The following CTSE variants were observed in gnomAD, a reference collection of about 807,000 sequenced individuals.
CTSE encodes cathepsin E.
In CTSE, 43 loss-of-function variants were observed where a neutral mutation model predicts 42.8. The observed-to-expected ratio is 1.01, with a 90% CI of 0.79 to 1.30. CTSE has a LOEUF of 1.30. Among genes scored for constraint, CTSE ranks in the 50% most tolerant of loss-of-function variants. CTSE has a pLI of 0.00. For missense variants in CTSE, 532 were observed against 493.5 expected (o/e 1.08, Z -0.74); for synonymous variants, 205 against 191.5 (o/e 1.07, Z -0.58).
intron 4 of CTSE, among the ~76,000 whole-genome samples, chr1:206,019,982 T>A (rs1163182999): frequency 7.6e-5 from 11 of 144,380 alleles, no homozygotes; most frequent in African/African-American, 2.8e-4. Context: ...ATATATTATA[T>A]ATTATATAAC....
intron 8 of CTSE, among the ~76,000 whole-genome samples, chr1:206,011,644 A>ACCCCT (rs1444587810): frequency 6.6e-6 from 1 of 151,932 alleles, no homozygotes; most frequent in Non-Finnish European, 1.5e-5. Flanking sequence ...ATACCTTAGC[A>ACCCCT]CCCCTCTTCT....
At chr1:206,017,210 T>C (rs1206333143) in intron 4 of CTSE, among the ~76,000 whole-genome samples, 1 of 152,044 alleles carries the variant, frequency 6.6e-6, no homozygotes, top group African/African-American at 2.4e-5. Flanking sequence ...ATAAATAGTG[T>C]CATTAAAAAT....
At chr1:206,023,595 C>A in intron 1 of CTSE, 129 bp downstream of exon 1, 1 of 808,090 alleles carries the variant, frequency 1.2e-6, no homozygotes. Flanking sequence ...GAGTCTCTTC[C>A]ATGCATTGAC....
rs1395014158 is a variant in CTSE, at chr1:206,015,782, T to C, written c.662+149A>G. On this transcript the variant is annotated intron_variant, in intron 5 of 8. Coordinates refer to ENST00000358184, the MANE Select transcript of CTSE (RefSeq NM_001910.4). ...GAAGCAAATCCCATTTCCTCAATAT[T>C]CAGAGAGGTTAAATGTTTTGACTAA... is the stretch of plus-strand genomic sequence containing the variant. 12 of 674,050 alleles carry C rather than the reference T, an allele frequency of 1.8e-5. No individual in the cohort carries two copies. In the Admixed American group the frequency reaches 3.5e-4, roughly 20 times the overall value. The allele number at this position is 674,050 out of a possible 1,614,324, so 41.8% of individuals were successfully genotyped here.
intron 4 of CTSE, among the ~76,000 whole-genome samples, chr1:206,018,562 G>C (rs1553277947): frequency 6.6e-6 from 1 of 151,854 alleles, no homozygotes; most frequent in African/African-American, 2.4e-5. Flanking sequence ...TTTCTTTGTG[G>C]AAAGATTTTT....
At chr1:206,010,851 A>G (rs183643123) in intron 8 of CTSE, among the ~76,000 whole-genome samples, 3 of 152,194 alleles carry the variant, frequency 2.0e-5, no homozygotes, top group Admixed American at 6.5e-5. Flanking sequence ...TAGATGAGGC[A>G]AGTAGGCATT....
intron 5 of CTSE, 141 bp from the exon 6 acceptor site, chr1:206,014,035 G>C (rs1661196092): frequency 1.2e-6 from 1 of 851,488 alleles, no homozygotes; most frequent in African/African-American, 1.7e-5. Flanking sequence ...TTGAGACCGG[G>C]ACTCTGACTA....
chr1:206,011,958 G>C (rs1661112100), intron 8 of CTSE, among the ~76,000 whole-genome samples: 1 of 152,098 alleles, frequency 6.6e-6, no homozygotes, highest in Non-Finnish European at 1.5e-5. Context: ...TCTGAGTCTT[G>C]ATATTCTCAC....
chr1:206,023,033 G>A lies in CTSE; in HGVS notation c.93C>T (p.Ser31=). 1 of 1,613,092 alleles carries A rather than the reference G, an allele frequency of 6.2e-7. No homozygotes were observed. The highest frequency in any genetic ancestry group is 8.5e-7 in the Non-Finnish European group (1 of 1,179,428). Residue 31 remains serine (S), a synonymous_variant, in exon 2 of 9, where the codon TCC becomes TCT. Transcript: ENST00000358184. ...TCCGTGCCCGCAGCTTCTTCTTGAG[G>A]GACGGATGCCTCCTGAGGGGCACCC... The part of the protein sequence containing the change: ...LHRVPLRRHP[S]LKKKLRARSQ...
At chr1:206,022,356 G>T (rs1019570939) in intron 2 of CTSE, 89 bp from the exon 3 acceptor site, 16 of 854,160 alleles carry the variant, frequency 1.9e-5, no homozygotes, top group African/African-American at 5.1e-5. Context: ...GCTCCCAGGG[G>T]CCAGAGCCTG....
chr1:206,010,342 G>A lies in CTSE; in HGVS notation c.1032C>T (p.Phe344=), dbSNP rs782007406. 3.1e-6 allele frequency: 5 copies of A among 1,612,670 alleles called. No homozygotes were observed. Among genetic ancestry groups the A allele is most frequent in the East Asian group, 4.5e-5 (2 of 44,896 alleles). Residue 344 remains phenylalanine (F), a synonymous_variant, in exon 9 of 9, where the codon TTC becomes TTT. Coordinates refer to ENST00000358184, the MANE Select transcript of CTSE (RefSeq NM_001910.4). ...TGCTGCAGAACTGCATTCCATCCAC[G>A]AAGTCCTGTGGGTTGGAAAGAAGGA... ...LSPTAYTLLD[F]VDGMQFCSSG...
rs1553278722 is a variant in CTSE at position 206,023,043 on chromosome 1, C to T, written c.83G>A (p.Arg28Lys). Reference sequence around the variant, plus strand: ...CAGCTTCTTCTTGAGGGACGGATGCCTCCTGAGGGGCACCCTGGAGACAAA... The same window carrying T: ...CAGCTTCTTCTTGAGGGACGGATGCTTCCTGAGGGGCACCCTGGAGACAAA... Reference protein sequence around the residue: ...QGSLHRVPLRRHPSLKKKLRA... With the variant: ...QGSLHRVPLRKHPSLKKKLRA... The change falls in exon 2 of 9, where the codon AGG becomes AAG. Residue 28 changes from arginine to lysine, a missense_variant. Coordinates refer to ENST00000358184, the MANE Select transcript of CTSE (RefSeq NM_001910.4). The T allele has an allele frequency of 1.9e-6, 3 of 1,613,008 alleles. No individual in the cohort carries two copies. Among genetic ancestry groups the T allele is most frequent in the African/African-American group, 1.3e-5 (1 of 74,978 alleles).
intron 3 of CTSE, among the ~76,000 whole-genome samples, chr1:206,021,638 C>CTT (rs1445300071): frequency 6.6e-6 from 1 of 151,960 alleles, no homozygotes; most frequent in Admixed American, 6.6e-5. Flanking sequence ...TTCTGTAGCT[C>CTT]TTCTTTTCCA....
rs1553276779 is a variant in CTSE at position 206,010,355 on chromosome 1, T to A, written c.1027-8A>T. 6.2e-7 allele frequency: 1 copy of A among 1,611,238 alleles called. No homozygotes were observed. Among genetic ancestry groups the A allele is most frequent in the Non-Finnish European group, 8.5e-7 (1 of 1,177,858 alleles). ...CATTCCATCCACGAAGTCCTGTGGG[T>A]TGGAAAGAAGGATGCAAATGACAAA... On this transcript the variant is annotated splice_polypyrimidine_tract_variant and splice_region_variant and intron_variant, in intron 8 of 8. Coordinates refer to ENST00000358184, the MANE Select transcript of CTSE (RefSeq NM_001910.4).
Position 206,023,859 on chromosome 1 carries a change from G to A in CTSE, c.-68C>T, listed in dbSNP as rs1198719824. ...TCTCTCCCCGAGGGCAGTGGGAACG[G>A]ACTTTCCCTAACTCTCAGACCTGCC... On this transcript the variant is annotated 5_prime_UTR_variant, in exon 1 of 9. Transcript: ENST00000358184. The A allele has an allele frequency of 6.6e-7, 1 of 1,524,092 alleles. No individual in the cohort carries two copies. The highest frequency in any genetic ancestry group is 9.1e-7 in the Non-Finnish European group (1 of 1,102,368). 94.4% of individuals were successfully genotyped at this position (1,524,092 alleles called of 1,614,324 possible). A position where few individuals can be genotyped will look rare whatever the true frequency, so the allele number is the denominator to read the frequency against.
intron 5 of CTSE, 71 bp from the exon 6 acceptor site, chr1:206,013,965 A>T (rs1241412390): frequency 6.5e-7 from 1 of 1,545,884 alleles, no homozygotes; most frequent in East Asian, 2.3e-5. Flanking sequence ...CTCAGCTAGG[A>T]CCCTTTGCTT....
At position 206,011,326 on chromosome 1, in the gene CTSE, C is replaced by G. The variant is rs538699361; in HGVS notation, c.1027-979G>C. ...TCCCACTCTTTTTTGGGCTCTCCAG[C>G]GCCTGGAGCACATCAGTGATTTCCA... On this transcript the variant is annotated intron_variant, in intron 8 of 8. Transcript: ENST00000358184. Among the ~76,000 whole-genome samples the G allele has an allele frequency of 3.3e-5, 5 of 152,098 alleles. No homozygotes were observed. In the East Asian group the frequency reaches 9.6e-4, roughly 29 times the overall value.
intron 6 of CTSE, 58 bp from the exon 7 acceptor site, chr1:206,012,707 C>T (rs1661146272): frequency 3.1e-6 from 5 of 1,590,554 alleles, no homozygotes; most frequent in Non-Finnish European, 4.3e-6. Context: ...TAGGAAACTC[C>T]CACTCTTTTT....
chr1:206,010,178 C>T lies in CTSE; in HGVS notation c.*5G>A, dbSNP rs147323960. On this transcript the variant is annotated 3_prime_UTR_variant, in exon 9 of 9. Coordinates refer to ENST00000358184, the MANE Select transcript of CTSE (RefSeq NM_001910.4). ...GACAGGCAGGCACAGACACAAGGCC[C>T]CTCCTTAGGGGACTGCTGGGGCCAG... 139 of 1,613,670 alleles carry T rather than the reference C, an allele frequency of 8.6e-5. No individual in the cohort carries two copies. The African/African-American group carries it at 1.6e-3, about 19-fold the overall frequency.
Sources: allele counts gnomAD v4.1 joint callset (sites outside exome capture counted in the v4.1 genomes callset), GRCh38; gene constraint gnomAD v4.1.1; transcripts MANE v1.5; gene names NCBI Gene and HGNC (gene_info 2026-07-23, HGNC 2026-07-21).